Variants in DOCK10 observed in about 807,000 individuals in gnomAD.
The protein encoded by DOCK10 is dedicator of cytokinesis protein 10.
DOCK10 carries 145 observed loss-of-function variants against 280.1 expected under a neutral mutation model. That is an observed-to-expected ratio of 0.52 (90% CI 0.45 to 0.59). The LOEUF (loss-of-function observed/expected upper bound fraction) is 0.59, where lower values mean the gene tolerates loss of function less well. DOCK10 is among the 20% of genes least tolerant of loss of function. The pLI, the probability that DOCK10 is intolerant of heterozygous loss-of-function variation, is 0.00. For synonymous variants in DOCK10, 915 were observed against 942.2 expected (o/e 0.97, Z 0.53); for missense variants, 2,368 against 2,651.7 (o/e 0.89, Z 2.35).
rs762107844 is a variant in DOCK10 at position 224,819,483 on chromosome 2, T to C, written c.3230A>G (p.Asn1077Ser). 1.2e-6 allele frequency: 2 copies of C among 1,611,662 alleles called. No individual in the cohort carries two copies. The highest frequency in any genetic ancestry group is 1.7e-5 in the Admixed American group (1 of 59,592). Residue 1077 changes from asparagine to serine, a missense_variant, in exon 29 of 56, where the codon AAC becomes AGC. By Grantham distance (46) the Asn-to-Ser change is conservative (BLOSUM62 1). Around this residue, in one of 2 missense-constraint regions of DOCK10, gnomAD observed 1,159 missense variants for 1,400.8 expected, o/e 0.83. Coordinates refer to ENST00000258390, the MANE Select transcript of DOCK10 (RefSeq NM_014689.3). ...GGAGGAGAACATGCTGATGTAATTG[T>C]TGACCATCTTAAACACATACCCTCG... ...MDRGYVFKMV[N>S]NYISMFSSGD...
chr2:224,969,828 A>G (rs1488014947), intron 1 of DOCK10, among the ~76,000 whole-genome samples: 1 of 152,216 alleles, frequency 6.6e-6, no homozygotes, highest in African/African-American at 2.4e-5. Flanking sequence ...AGTGACAGAA[A>G]AGCAGGCCGG....
chr2:224,944,618 A>G (rs768087418), intron 1 of DOCK10, among the ~76,000 whole-genome samples: 2 of 152,234 alleles, frequency 1.3e-5, no homozygotes, highest in Non-Finnish European at 2.9e-5. Flanking sequence ...TATAGATGGC[A>G]GGTGAGAGCG....
At chr2:224,937,669 G>A (rs1191771780) in intron 1 of DOCK10, among the ~76,000 whole-genome samples, 1 of 152,044 alleles carries the variant, frequency 6.6e-6, no homozygotes, top group Non-Finnish European at 1.5e-5. Flanking sequence ...AAAGGAAAGC[G>A]ATCTACCTAA....
chr2:224,849,253 C>T (rs183229540), intron 19 of DOCK10, among the ~76,000 whole-genome samples: 398 of 152,314 alleles, frequency 2.6e-3, no homozygotes, highest in African/African-American at 9.3e-3. Flanking sequence ...GGATTACAGG[C>T]GTGAGCCACT....
At chr2:224,840,398 T>G (rs550085369) in intron 23 of DOCK10, among the ~76,000 whole-genome samples, 8 of 151,944 alleles carry the variant, frequency 5.3e-5, no homozygotes, top group Non-Finnish European at 8.8e-5. Flanking sequence ...TATAAGGAAC[T>G]CAAACAACTC....
intron 1 of DOCK10, among the ~76,000 whole-genome samples, chr2:225,026,122 C>T (rs10206146): frequency 0.28 from 42,950 of 151,518 alleles, 6,739 homozygotes; most frequent in African/African-American, 0.42. Context: ...GCTGGTGGCA[C>T]GGGCCTGAGT....
At chr2:224,854,442 T>C (rs1410227104) in intron 16 of DOCK10, among the ~76,000 whole-genome samples, 7 of 152,194 alleles carry the variant, frequency 4.6e-5, no homozygotes, top group African/African-American at 1.4e-4. Flanking sequence ...AACATTTCAG[T>C]TATAATCATT....
intron 43 of DOCK10, 120 bp downstream of exon 43, chr2:224,796,844 T>TA: frequency 1.1e-6 from 1 of 882,292 alleles, no homozygotes; most frequent in Non-Finnish European, 1.8e-6. Flanking sequence ...TGGGCGTCTT[T>TA]AAGGAGGACG....
chr2:225,024,521 C>T (rs914944263), intron 1 of DOCK10, among the ~76,000 whole-genome samples: 2 of 152,226 alleles, frequency 1.3e-5, no homozygotes, highest in Non-Finnish European at 2.9e-5. Flanking sequence ...ATTCTTTGTA[C>T]TGTATTTTAC....
At chr2:224,952,727 G>T (rs1703823713) in intron 1 of DOCK10, among the ~76,000 whole-genome samples, 2 of 150,622 alleles carry the variant, frequency 1.3e-5, no homozygotes, top group Admixed American at 1.3e-4. Context: ...CAAGTAGCTG[G>T]GACTACAGGC....
intron 1 of DOCK10, among the ~76,000 whole-genome samples, chr2:224,988,648 G>C (rs143115122): frequency 6.6e-6 from 1 of 152,330 alleles, no homozygotes; most frequent in East Asian, 1.9e-4. Flanking sequence ...TTCCCTTTGA[G>C]AGCTGGTCTG....
rs758611911 is a variant in DOCK10, at chr2:224,845,199, A to T, written c.2481+4T>A. 1 of 1,568,372 alleles carries T rather than the reference A, an allele frequency of 6.4e-7. No individual in the cohort carries two copies. The highest frequency in any genetic ancestry group is 1.9e-5 in the Admixed American group (1 of 52,830). On this transcript the variant is annotated splice_donor_region_variant and intron_variant, in intron 21 of 55. Transcript: ENST00000258390. ...AAAATCTTAAATTACACATTATTCA[A>T]TACCTTTCCACTTGCAGAATCTTGA...
intron 1 of DOCK10, among the ~76,000 whole-genome samples, chr2:224,961,950 C>T (rs1375122780): frequency 6.6e-6 from 1 of 152,074 alleles, no homozygotes; most frequent in East Asian, 1.9e-4. Flanking sequence ...ACATCTTCTC[C>T]AGGGGGTACA....
At position 224,961,395 on chromosome 2, in the gene DOCK10, A is replaced by ATT. The variant is rs769738580; in HGVS notation, c.124-29729_124-29728dup. ...CCCATGCTTATTTTTGCATAGCAGC[A>ATT]TTTTCTTTCTTTCTTTCTCTTTCTT... On this transcript the variant is annotated intron_variant, in intron 1 of 55. Transcript: ENST00000258390. Among the ~76,000 whole-genome samples, 547 of 97,354 alleles carry ATT rather than the reference A, an allele frequency of 5.6e-3. 3 individuals are homozygous for ATT. Among genetic ancestry groups the ATT allele is most frequent in the Non-Finnish European group, 6.5e-3 (305 of 47,256 alleles). The allele number at this position is 97,354 out of a possible 152,430, so 63.9% of individuals were successfully genotyped here. A position where few individuals can be genotyped will look rare whatever the true frequency, so the allele number is the denominator to read the frequency against.
intron 27 of DOCK10, among the ~76,000 whole-genome samples, chr2:224,825,595 A>G (rs1694792786): frequency 6.6e-6 from 1 of 152,180 alleles, no homozygotes; most frequent in Non-Finnish European, 1.5e-5. Flanking sequence ...TTTTCCCCAC[A>G]TGCATATGCA....
intron 1 of DOCK10, among the ~76,000 whole-genome samples, chr2:224,955,313 T>G (rs887173083): frequency 6.6e-6 from 1 of 152,242 alleles, no homozygotes; most frequent in Admixed American, 6.5e-5. Flanking sequence ...CCATTACATA[T>G]GCTTTATTCT....
In DOCK10 at chr2:225,029,784, GT is replaced by G. The variant is rs560904555; in HGVS notation, c.123+12467del. ...GTGGTAGGAATGTGGGTGATTACTA[GT>G]TTTTTCTTCATTATTTTCTATATTT... On this transcript the variant is annotated intron_variant, in intron 1 of 55. Coordinates refer to ENST00000258390, the MANE Select transcript of DOCK10 (RefSeq NM_014689.3). Among the ~76,000 whole-genome samples the G allele has an allele frequency of 2.6e-4, 39 of 152,156 alleles. No individual in the cohort carries two copies. The East Asian group carries it at 6.0e-3, about 23-fold the overall frequency.
chr2:224,892,397 C>CAAAAAAAAAAAAA (rs1174651393), intron 4 of DOCK10, among the ~76,000 whole-genome samples: 13 of 52,210 alleles, frequency 2.5e-4, no homozygotes, highest in Admixed American at 5.9e-4. Context: ...GACCCTGTCT[C>CAAAAAAAAAAAAA]AAAAAAAAAA....
Position 225,018,646 on chromosome 2 carries a change from TTA to T in DOCK10, c.123+23604_123+23605del, listed in dbSNP as rs1481210956. On this transcript the variant is annotated intron_variant, in intron 1 of 55. Transcript: ENST00000258390. Reference sequence around the variant, plus strand: ...TTATATATATAATATATATGTAATATTATATATATATAATATATATGTAATAT... The same window carrying T: ...TTATATATATAATATATATGTAATATTATATATATAATATATATGTAATAT... 5.3e-4 allele frequency among the ~76,000 whole-genome samples: 5 copies of T among 9,418 alleles called. 1 individual carries two copies. Among genetic ancestry groups the T allele is most frequent in the Admixed American group, 2.5e-3 (2 of 812 alleles). The allele number at this position is 9,418 out of a possible 152,430, so 6.2% of individuals were successfully genotyped here. A position where few individuals can be genotyped will look rare whatever the true frequency, so the allele number is the denominator to read the frequency against.
Sources: allele counts gnomAD v4.1 joint callset (sites outside exome capture counted in the v4.1 genomes callset), GRCh38; gene constraint gnomAD v4.1.1; regional missense constraint gnomAD v4.1.1; transcripts MANE v1.5; gene names NCBI Gene and HGNC (gene_info 2026-07-23, HGNC 2026-07-21).